P3H2: variants seen among roughly 807,000 people sequenced by gnomAD.
P3H2 encodes the protein prolyl 3-hydroxylase 2, also known as leprecan-like 1.
Under a neutral mutation model 87.0 loss-of-function variants are expected in P3H2, and 80 were observed. The observed-to-expected ratio is 0.92, with a 90% CI of 0.77 to 1.11. The LOEUF (loss-of-function observed/expected upper bound fraction) is 1.11. P3H2 is among the 50% of genes least tolerant of loss of function. The pLI is 0.00. For synonymous variants in P3H2, 367 were observed against 359.3 expected (o/e 1.02, Z -0.24); for missense variants, 1,001 against 923.9 (o/e 1.08, Z -1.08).
intron 1 of P3H2, among the ~76,000 whole-genome samples, chr3:190,049,410 C>T (rs1403416): frequency 0.26 from 40,063 of 151,640 alleles, 5,518 homozygotes; most frequent in East Asian, 0.42. Context: ...ATTGGCTTTT[C>T]GCCTAAATGG....
chr3:190,060,600 G>A (rs192822559), intron 1 of P3H2, among the ~76,000 whole-genome samples: 10 of 152,258 alleles, frequency 6.6e-5, no homozygotes, highest in Admixed American at 2.0e-4. Flanking sequence ...AGAATTGGAT[G>A]ATGCACTGTA....
At chr3:190,105,281 T>C (rs772388007) in intron 1 of P3H2, among the ~76,000 whole-genome samples, 1 of 152,248 alleles carries the variant, frequency 6.6e-6, no homozygotes, top group African/African-American at 2.4e-5. Context: ...TCTTGTTTTC[T>C]GTAATTTCTG....
Position 189,974,186 on chromosome 3 carries a change from T to C in P3H2, c.1453-182A>G, listed in dbSNP as rs6807714. ...AAGAGATATCTTTATTTAATCTTCATTCTACATTTTTATTATCAAATACTG... is the reference window on the plus strand; with the variant it reads ...AAGAGATATCTTTATTTAATCTTCACTCTACATTTTTATTATCAAATACTG... On this transcript the variant is annotated intron_variant, in intron 9 of 14. Coordinates refer to ENST00000319332, the MANE Select transcript of P3H2 (RefSeq NM_018192.4). The C allele has an allele frequency of 3.4e-3, 2,102 of 619,864 alleles. 37 individuals are homozygous for C. The African/African-American group carries it at 0.035, about 10-fold the overall frequency. The allele number at this position is 619,864 out of a possible 1,614,324, so 38.4% of individuals were successfully genotyped here. A position where few individuals can be genotyped will look rare whatever the true frequency, so the allele number is the denominator to read the frequency against.
chr3:190,056,759 C>T (rs1726173895), intron 1 of P3H2, among the ~76,000 whole-genome samples: 2 of 152,152 alleles, frequency 1.3e-5, no homozygotes, highest in African/African-American at 4.8e-5. Context: ...AACATGCCAG[C>T]GGTCTATTTC....
chr3:190,046,113 A>G (rs1577293880), intron 1 of P3H2, among the ~76,000 whole-genome samples: 1 of 119,210 alleles, frequency 8.4e-6, no homozygotes, highest in Non-Finnish European at 1.7e-5. Context: ...ACAGAGCAAG[A>G]CTCCATCTCA....
intron 1 of P3H2, among the ~76,000 whole-genome samples, chr3:190,018,284 C>T (rs1253397981): frequency 1.3e-5 from 2 of 152,114 alleles, no homozygotes; most frequent in Non-Finnish European, 2.9e-5. Context: ...ATAATAATAA[C>T]AAAATCATGG....
At chr3:190,102,575 C>G (rs899286558) in intron 1 of P3H2, among the ~76,000 whole-genome samples, 5 of 152,136 alleles carry the variant, frequency 3.3e-5, no homozygotes, top group African/African-American at 1.2e-4. Flanking sequence ...AAAACTCGAA[C>G]AGATAAAAAG....
intron 8 of P3H2, 93 bp from the exon 9 acceptor site, chr3:189,974,778 G>A (rs1723299242): frequency 1.4e-6 from 2 of 1,408,566 alleles, no homozygotes; most frequent in Non-Finnish European, 2.0e-6. Context: ...CAATTCGAGT[G>A]AGTCCATTTC....
At chr3:189,963,690 C>A (rs772461411) in intron 14 of P3H2, 11 of 435,218 alleles carry the variant, frequency 2.5e-5, no homozygotes, top group African/African-American at 4.0e-5. Flanking sequence ...GTGATCTGCC[C>A]ACCTCGGCCT....
Position 189,957,700 on chromosome 3 carries a change from A to AAGAGAGAGAGAGAG in P3H2, c.*198_*211dup, listed in dbSNP as rs3062112. 6.1e-5 allele frequency: 33 copies of AAGAGAGAGAGAGAG among 543,394 alleles called. No individual in the cohort carries two copies. Among genetic ancestry groups the AAGAGAGAGAGAGAG allele is most frequent in the Middle Eastern group, 5.1e-4 (1 of 1,978 alleles). 33.7% of individuals were successfully genotyped at this position (543,394 alleles called of 1,614,324 possible). A position where few individuals can be genotyped will look rare whatever the true frequency, so the allele number is the denominator to read the frequency against. On this transcript the variant is annotated 3_prime_UTR_variant, in exon 15 of 15. Transcript: ENST00000319332. The stretch of plus-strand genomic sequence containing the variant: ...AACATGGTTAGACCATGTCTCTAAG[A>AAGAGAGAGAGAGAG]AGAGAGAGAGAGAGAGAGAGAGAGA...
intron 3 of P3H2, among the ~76,000 whole-genome samples, chr3:189,989,306 T>C (rs1342805916): frequency 6.6e-6 from 1 of 152,180 alleles, no homozygotes; most frequent in Non-Finnish European, 1.5e-5. Context: ...TCCCTTCCCA[T>C]GTACACTTTT....
At chr3:190,120,176 G>C in intron 1 of P3H2, 76 bp downstream of exon 1, 5 of 1,515,910 alleles carry the variant, frequency 3.3e-6, no homozygotes, top group Non-Finnish European at 3.6e-6. Context: ...CAGAGATGAC[G>C]GGGGCAGCAG....
At chr3:190,115,790 A>G (rs1386378712) in intron 1 of P3H2, among the ~76,000 whole-genome samples, 1 of 152,126 alleles carries the variant, frequency 6.6e-6, no homozygotes, top group Non-Finnish European at 1.5e-5. Flanking sequence ...TTTCATATGC[A>G]TGGAACCAAG....
chr3:190,061,165 C>T (rs1726320136), intron 1 of P3H2, among the ~76,000 whole-genome samples: 1 of 152,140 alleles, frequency 6.6e-6, no homozygotes, highest in African/African-American at 2.4e-5. Flanking sequence ...AAAACACCTT[C>T]TTCCTCCACT....
At chr3:190,067,672 T>C (rs1726555415) in intron 1 of P3H2, among the ~76,000 whole-genome samples, 1 of 152,198 alleles carries the variant, frequency 6.6e-6, no homozygotes, top group Non-Finnish European at 1.5e-5. Context: ...CTACTAAGCA[T>C]ATACTTTTGA....
chr3:190,081,934 A>G (rs189550104), intron 1 of P3H2, among the ~76,000 whole-genome samples: 7 of 152,314 alleles, frequency 4.6e-5, no homozygotes, highest in Admixed American at 3.3e-4. Context: ...ATTCAGCTGT[A>G]CATGCTAAAC....
intron 1 of P3H2, among the ~76,000 whole-genome samples, chr3:190,000,902 T>A (rs1724192016): frequency 6.6e-6 from 1 of 152,308 alleles, no homozygotes; most frequent in African/African-American, 2.4e-5. Flanking sequence ...AATTCAAACT[T>A]CTTTGTGGAA....
At position 190,120,862 on chromosome 3, in the gene P3H2, C is replaced by G; in HGVS notation, c.-131G>C. On this transcript the variant is annotated 5_prime_UTR_variant, in exon 1 of 15. Coordinates refer to ENST00000319332, the MANE Select transcript of P3H2 (RefSeq NM_018192.4). ...GCCGCGATCTGGCCGCTCCGCGAGCCCCAGGTGACCGCCGGCGCTCCGCGT... is the reference window on the plus strand; with the variant it reads ...GCCGCGATCTGGCCGCTCCGCGAGCGCCAGGTGACCGCCGGCGCTCCGCGT... 2 of 1,372,274 alleles carry G rather than the reference C, an allele frequency of 1.5e-6. No homozygotes were observed. Among genetic ancestry groups the G allele is most frequent in the Non-Finnish European group, 1.9e-6 (2 of 1,053,198 alleles). The allele number at this position is 1,372,274 out of a possible 1,614,324, so 85.0% of individuals were successfully genotyped here.
intron 12 of P3H2, 108 bp downstream of exon 12, chr3:189,971,782 C>T (rs1427481203): frequency 1.3e-6 from 1 of 758,224 alleles, no homozygotes; most frequent in Non-Finnish European, 2.4e-6. Context: ...AGAATTTCTG[C>T]CTTGGAGATA....
Sources: allele counts gnomAD v4.1 joint callset (sites outside exome capture counted in the v4.1 genomes callset), GRCh38; gene constraint gnomAD v4.1.1; transcripts MANE v1.5; gene names NCBI Gene and HGNC (gene_info 2026-07-23, HGNC 2026-07-21).